Variants in SPATS2 observed in about 807,000 individuals in gnomAD.
SPATS2 encodes spermatogenesis-associated serine-rich protein 2.
Under a neutral mutation model 63.7 loss-of-function variants are expected in SPATS2, and 38 were observed. That is an observed-to-expected ratio of 0.60 (90% CI 0.46 to 0.78). SPATS2 has a LOEUF of 0.78. Among genes scored for constraint, SPATS2 ranks in the 30% least tolerant of loss-of-function variants. The probability of loss-of-function intolerance (pLI) is 0.00; values close to 1 mark genes in which losing one functional copy is unlikely to be tolerated. For synonymous variants in SPATS2, 207 were observed against 232.9 expected (o/e 0.89, Z 1.01); for missense variants, 588 against 666.2 (o/e 0.88, Z 1.29).
intron 6 of SPATS2, among the ~76,000 whole-genome samples, chr12:49,493,231 C>T (rs972850746): frequency 1.3e-5 from 2 of 151,952 alleles, no homozygotes; most frequent in African/African-American, 4.8e-5. Context: ...CAGTTATTAT[C>T]AGCCTAGCCT....
intron 2 of SPATS2, among the ~76,000 whole-genome samples, chr12:49,416,390 TG>T (rs1249114899): frequency 6.6e-6 from 1 of 152,212 alleles, no homozygotes; most frequent in African/African-American, 2.4e-5. Context: ...TCTCTAACCC[TG>T]TGAGGCTTAC....
intron 3 of SPATS2, chr12:49,462,273 A>G (rs1275402809): frequency 1.4e-6 from 1 of 702,270 alleles, no homozygotes; most frequent in South Asian, 1.5e-5. Flanking sequence ...AACTCCTCAC[A>G]GGAAGGAGAG....
intron 2 of SPATS2, among the ~76,000 whole-genome samples, chr12:49,456,609 A>G (rs1290086096): frequency 1.3e-5 from 2 of 152,232 alleles, no homozygotes; most frequent in Non-Finnish European, 2.9e-5. Flanking sequence ...GTGGCAGAGT[A>G]GAAGACTCAG....
chr12:49,449,308 C>T (rs1324361660), intron 2 of SPATS2, among the ~76,000 whole-genome samples: 3 of 152,184 alleles, frequency 2.0e-5, no homozygotes, highest in Admixed American at 6.5e-5. Flanking sequence ...CTCCGCCTCA[C>T]GGGTTCAAGC....
rs1947006933 is a variant in SPATS2 at position 49,524,896 on chromosome 12, G to A, written c.1326G>A (p.Glu442=). The change falls in exon 13 of 14, where the codon GAG becomes GAA. Residue 442 remains glutamate (E), a splice_region_variant and synonymous_variant. Coordinates refer to ENST00000552918, the MANE Select transcript of SPATS2 (RefSeq NM_023071.4). ...SSGQPYQPLR[E]VLPGNRRGGQ... ...GCCAGCCCTACCAGCCACTTCGGGA[G>A]GTAACCTAGCTTCTACACTGAGCAT... is the stretch of plus-strand genomic sequence containing the variant. 8 of 1,613,020 alleles carry A rather than the reference G, an allele frequency of 5.0e-6. No individual in the cohort carries two copies. Among genetic ancestry groups the A allele is most frequent in the Non-Finnish European group, 6.8e-6 (8 of 1,179,968 alleles).
Position 49,461,047 on chromosome 12 carries a change from C to T in SPATS2, c.25+10C>T, listed in dbSNP as rs1945813297. 6.2e-7 allele frequency: 1 copy of T among 1,613,528 alleles called. No homozygotes were observed. Among genetic ancestry groups the T allele is most frequent in the Non-Finnish European group, 8.5e-7 (1 of 1,179,736 alleles). ...AAACAGAACCAGAAGGGTAAGATTACATGTGGGCATAAATTGTTAAAAGCA... is the reference window on the plus strand; with the variant it reads ...AAACAGAACCAGAAGGGTAAGATTATATGTGGGCATAAATTGTTAAAAGCA... On this transcript the variant is annotated intron_variant, in intron 3 of 13. Transcript: ENST00000552918.
chr12:49,514,450 C>A, intron 9 of SPATS2, 105 bp from the exon 10 acceptor site: 1 of 1,007,310 alleles, frequency 9.9e-7, no homozygotes, highest in Non-Finnish European at 1.5e-6. Flanking sequence ...TTTTAGTATG[C>A]TTTTAGCAAA....
intron 11 of SPATS2, among the ~76,000 whole-genome samples, chr12:49,520,409 C>T (rs746423030): frequency 1.1e-4 from 16 of 152,274 alleles, no homozygotes; most frequent in African/African-American, 3.4e-4. Flanking sequence ...TGAGCCACCG[C>T]GCCCGGCCCA....
chr12:49,524,238 A>G (rs1023139379), intron 12 of SPATS2, among the ~76,000 whole-genome samples: 1 of 152,200 alleles, frequency 6.6e-6, no homozygotes, highest in Non-Finnish European at 1.5e-5. Flanking sequence ...AAATTCTTTA[A>G]AAAGAATTTA....
At chr12:49,503,574 G>A (rs1266422754) in intron 9 of SPATS2, among the ~76,000 whole-genome samples, 4 of 147,868 alleles carry the variant, frequency 2.7e-5, no homozygotes, top group African/African-American at 5.0e-5. Context: ...GCGTGATCCC[G>A]GGAGGAGGAG....
chr12:49,512,869 A>G, intron 9 of SPATS2: 8 of 1,288,954 alleles, frequency 6.2e-6, no homozygotes, highest in Non-Finnish European at 8.1e-6. Flanking sequence ...TAGGTATTCC[A>G]ATGCTGCTAG....
At chr12:49,470,107 C>T (rs1225076544) in intron 3 of SPATS2, among the ~76,000 whole-genome samples, 1 of 152,066 alleles carries the variant, frequency 6.6e-6, no homozygotes, top group Non-Finnish European at 1.5e-5. Context: ...TCTTGGCTCA[C>T]TGCAACCTCC....
rs1946435968 is a variant in SPATS2 at position 49,494,724 on chromosome 12, A to T, written c.265-17A>T. The stretch of plus-strand genomic sequence containing the variant: ...TTCTTTCTTTTCTTTTCTTTTTCAA[A>T]TTTTTAATAACTTTAGAACAAAAAG... On this transcript the variant is annotated splice_polypyrimidine_tract_variant and intron_variant, in intron 6 of 13. Coordinates refer to ENST00000552918, the MANE Select transcript of SPATS2 (RefSeq NM_023071.4). 1.3e-6 allele frequency: 2 copies of T among 1,488,712 alleles called. No homozygotes were observed. The highest frequency in any genetic ancestry group is 1.8e-6 in the Non-Finnish European group (2 of 1,120,164). 92.2% of individuals were successfully genotyped at this position (1,488,712 alleles called of 1,614,324 possible).
intron 2 of SPATS2, among the ~76,000 whole-genome samples, chr12:49,456,303 G>GAAGT (rs1468722422): frequency 6.6e-6 from 1 of 152,146 alleles, no homozygotes; most frequent in Non-Finnish European, 1.5e-5. Context: ...GGAGATTGAG[G>GAAGT]AAGTATTCCA....
At chr12:49,445,855 T>A (rs1357882284) in intron 2 of SPATS2, among the ~76,000 whole-genome samples, 2 of 152,088 alleles carry the variant, frequency 1.3e-5, no homozygotes, top group East Asian at 3.9e-4. Context: ...AATGATGTAT[T>A]TCTCCTATAT....
At chr12:49,440,316 C>T (rs983277646) in intron 2 of SPATS2, among the ~76,000 whole-genome samples, 1 of 152,140 alleles carries the variant, frequency 6.6e-6, no homozygotes, top group Non-Finnish European at 1.5e-5. Flanking sequence ...CTCCTTATTT[C>T]CATCTAGCCA....
chr12:49,391,236 G>A (rs1242209612), intron 2 of SPATS2, among the ~76,000 whole-genome samples: 4 of 152,180 alleles, frequency 2.6e-5, no homozygotes, highest in Non-Finnish European at 4.4e-5. Context: ...CAAATATGCC[G>A]GGCGCGGTGG....
intron 6 of SPATS2, 189 bp downstream of exon 6, chr12:49,490,920 T>C: frequency 1.9e-6 from 1 of 526,764 alleles, no homozygotes; most frequent in East Asian, 3.4e-5. Flanking sequence ...GGCAGGTGGA[T>C]CACTTGAGGT....
Position 49,490,456 on chromosome 12 carries a change from C to A in SPATS2, c.215-226C>A, listed in dbSNP as rs541433023. ...ATTAGTCTCTTCTTAGAAGAACTTA[C>A]TGAGGAAATTACTCGGAGAGGAGGG... On this transcript the variant is annotated intron_variant, in intron 5 of 13. Coordinates refer to ENST00000552918, the MANE Select transcript of SPATS2 (RefSeq NM_023071.4). 41 of 520,136 alleles carry A rather than the reference C, an allele frequency of 7.9e-5. No individual in the cohort carries two copies. In the South Asian group the frequency reaches 9.9e-4, roughly 13 times the overall value. The allele number at this position is 520,136 out of a possible 1,614,324, so 32.2% of individuals were successfully genotyped here.
Sources: allele counts gnomAD v4.1 joint callset (sites outside exome capture counted in the v4.1 genomes callset), GRCh38; gene constraint gnomAD v4.1.1; transcripts MANE v1.5; gene names NCBI Gene and HGNC (gene_info 2026-07-23, HGNC 2026-07-21).